FEV: variants seen among roughly 807,000 people sequenced by gnomAD.
FEV encodes FEV transcription factor, ETS family member, also known as protein FEV.
In FEV, 14 loss-of-function variants were observed where a neutral mutation model predicts 20.5. That is an observed-to-expected ratio of 0.68 (90% CI 0.45 to 1.07). FEV has a LOEUF of 1.07. Among genes scored for constraint, FEV ranks in the 50% least tolerant of loss-of-function variants. FEV has a pLI of 0.00. For synonymous variants in FEV, 188 were observed against 163.7 expected (o/e 1.15, Z -1.13); for missense variants, 301 against 345.3 (o/e 0.87, Z 1.02).
At chr2:218,983,052 C>T (rs1381386127) in intron 2 of FEV, among the ~76,000 whole-genome samples, 2 of 152,204 alleles carry the variant, frequency 1.3e-5, no homozygotes, top group South Asian at 4.1e-4. Context: ...TGCCATAGTT[C>T]TCGGGGCCTG....
chr2:218,982,648 G>A (rs1435006886), intron 2 of FEV, among the ~76,000 whole-genome samples: 1 of 152,222 alleles, frequency 6.6e-6, no homozygotes, highest in East Asian at 1.9e-4. Flanking sequence ...TCTCAGCCGG[G>A]CGCCCTTATT....
In FEV at chr2:218,981,847, G is replaced by C; in HGVS notation, c.537C>G (p.Asn179Lys). The stretch of plus-strand genomic sequence containing the variant: ...CGACCCCGGCCGAGGCGGCCATGAG[G>C]TTGAGTTTGGAGAGGCCGGGGAAGG... ...PLPFPGLSKL[N>K]LMAASAGVAP... The change falls in exon 3 of 3, where the codon AAC becomes AAG. Residue 179 changes from asparagine (N) to lysine (K), a missense_variant. Asn to Lys is a moderately conservative substitution (Grantham distance 94). Transcript: ENST00000295727. This position sits in a 1 kb window ranked among gnomAD's most constrained non-coding sequence, Gnocchi z 4.5. 3 of 1,237,294 alleles carry C rather than the reference G, an allele frequency of 2.4e-6. No individual in the cohort carries two copies. In the South Asian group the frequency reaches 1.2e-4, roughly 48 times the overall value. The allele number at this position is 1,237,294 out of a possible 1,614,324, so 76.6% of individuals were successfully genotyped here.
At position 218,981,648 on chromosome 2, in the gene FEV, A is replaced by G; in HGVS notation, c.*19T>C. On this transcript the variant is annotated 3_prime_UTR_variant, in exon 3 of 3. Coordinates refer to ENST00000295727, the MANE Select transcript of FEV (RefSeq NM_017521.3). The surrounding 1 kb of genome is among the most constrained non-coding windows in gnomAD (Gnocchi z 4.5). Reference sequence around the variant, plus strand: ...ACTCTAGGCGTGCGGGCGAGGCCGCAGGCACCCGACCGCCCCGTCTAGTGG... The same window carrying G: ...ACTCTAGGCGTGCGGGCGAGGCCGCGGGCACCCGACCGCCCCGTCTAGTGG... 2 of 1,284,250 alleles carry G rather than the reference A, an allele frequency of 1.6e-6. No homozygotes were observed. Among genetic ancestry groups the G allele is most frequent in the Non-Finnish European group, 9.8e-7 (1 of 1,017,974 alleles). The allele number at this position is 1,284,250 out of a possible 1,614,324, so 79.6% of individuals were successfully genotyped here.
Position 218,984,459 on chromosome 2 carries a change from TC to T in FEV, c.53-155del. The T allele has an allele frequency of 1.5e-6, 1 of 653,846 alleles. No homozygotes were observed. The highest frequency in any genetic ancestry group is 2.5e-6 in the Non-Finnish European group (1 of 393,476). 40.5% of individuals were successfully genotyped at this position (653,846 alleles called of 1,614,324 possible). A position where few individuals can be genotyped will look rare whatever the true frequency, so the allele number is the denominator to read the frequency against. The stretch of plus-strand genomic sequence containing the variant: ...CCCGGCTCCTCCTCCCGGAGCCTGG[TC>T]CAGGCGCGCTGCGCGGAGCCCCTCC... On this transcript the variant is annotated intron_variant, in intron 1 of 2. Coordinates refer to ENST00000295727, the MANE Select transcript of FEV (RefSeq NM_017521.3). The surrounding 1 kb of genome is among the most constrained non-coding windows in gnomAD (Gnocchi z 5.0).
intron 2 of FEV, 130 bp from the exon 3 acceptor site, chr2:218,982,386 A>C (rs1945399020): frequency 2.4e-6 from 2 of 834,204 alleles, no homozygotes; most frequent in African/African-American, 1.7e-5. Context: ...GTCAAACTGC[A>C]GCTGCGTTCG....
rs1269539534 is a variant in FEV at position 218,984,177 on chromosome 2, T to C, written c.127+54A>G. On this transcript the variant is annotated intron_variant, in intron 2 of 2. Transcript: ENST00000295727. This position sits in a 1 kb window ranked among gnomAD's most constrained non-coding sequence, Gnocchi z 5.0. ...ACTGCTCCCACCTACTGTCCGCCTG[T>C]GCCCTGACCCCAACCAACCTCGCCT... is the stretch of plus-strand genomic sequence containing the variant. 11 of 1,529,992 alleles carry C rather than the reference T, an allele frequency of 7.2e-6. No individual in the cohort carries two copies. In the Admixed American group the frequency reaches 2.2e-4, roughly 30 times the overall value. 94.8% of individuals were successfully genotyped at this position (1,529,992 alleles called of 1,614,324 possible).
rs200090030 is a variant in FEV at position 218,984,992 on chromosome 2, G to C, written c.52+32C>G. 76 of 1,544,836 alleles carry C rather than the reference G, an allele frequency of 4.9e-5. No individual in the cohort carries two copies. In the African/African-American group the frequency reaches 5.9e-4, roughly 12 times the overall value. On this transcript the variant is annotated intron_variant, in intron 1 of 2. Transcript: ENST00000295727. The surrounding 1 kb of genome is among the most constrained non-coding windows in gnomAD (Gnocchi z 5.0). ...GCCTAGACTTCCCGCCCCAGGTTCC[G>C]GTGCCACCAGCCTCCGGCTGGTCCC...
Position 218,981,705 on chromosome 2 carries a change from C to T in FEV, c.679G>A (p.Val227Met). The change falls in exon 3 of 3, where the codon GTG becomes ATG. Residue 227 changes from valine (V) to methionine (M), a missense_variant. Transcript: ENST00000295727. This position sits in a 1 kb window ranked among gnomAD's most constrained non-coding sequence, Gnocchi z 4.5. ...LQPPPGPFGA[V>M]AAASHLGGHY... ...CCCCCCAAGTGCGAGGCTGCGGCCA[C>T]GGCCCCGAAGGGCCCGGGCGGGGGC... 1 of 1,341,720 alleles carries T rather than the reference C, an allele frequency of 7.5e-7. No homozygotes were observed. The highest frequency in any genetic ancestry group is 9.5e-7 in the Non-Finnish European group (1 of 1,052,586). 83.1% of individuals were successfully genotyped at this position (1,341,720 alleles called of 1,614,324 possible).
In FEV at chr2:218,981,724, C is replaced by T; in HGVS notation, c.660G>A (p.Pro220=). The T allele has an allele frequency of 7.5e-7, 1 of 1,332,870 alleles. No individual in the cohort carries two copies. The highest frequency in any genetic ancestry group is 3.1e-5 in the East Asian group (1 of 32,682). 82.6% of individuals were successfully genotyped at this position (1,332,870 alleles called of 1,614,324 possible). A position where few individuals can be genotyped will look rare whatever the true frequency, so the allele number is the denominator to read the frequency against. Residue 220 remains proline (P), a synonymous_variant, in exon 3 of 3, where the codon CCG becomes CCA. Coordinates refer to ENST00000295727, the MANE Select transcript of FEV (RefSeq NM_017521.3). This position sits in a 1 kb window ranked among gnomAD's most constrained non-coding sequence, Gnocchi z 4.5. ...CGGCCACGGCCCCGAAGGGCCCGGG[C>T]GGGGGCTGCAAGCTGGGACTGGGGT... ...ALYPSPSLQP[P]PGPFGAVAAA...
chr2:218,981,933 C>A lies in FEV; in HGVS notation c.451G>T (p.Ala151Ser). The change falls in exon 3 of 3, where the codon GCC (alanine) becomes TCC (serine). Residue 151 changes from alanine (A) to serine (S), a missense_variant. Transcript: ENST00000295727. This position sits in a 1 kb window ranked among gnomAD's most constrained non-coding sequence, Gnocchi z 4.5. ...GCGCCGTCCTGGGCGGCCGCGGCGG[C>A]GGCAGCAGCTGCGGCGGCGGCATGA... ...HAHAAAAAAAAAAAAQDGALY... is the reference protein window; with the variant it reads ...HAHAAAAAAASAAAAQDGALY... 7.4e-7 allele frequency: 1 copy of A among 1,352,140 alleles called. No individual in the cohort carries two copies. Among genetic ancestry groups the A allele is most frequent in the Non-Finnish European group, 9.5e-7 (1 of 1,057,736 alleles). The allele number at this position is 1,352,140 out of a possible 1,614,324, so 83.8% of individuals were successfully genotyped here.
At position 218,984,109 on chromosome 2, in the gene FEV, A is replaced by G. The variant is rs527791915; in HGVS notation, c.127+122T>C. The G allele has an allele frequency of 5.8e-5, 55 of 953,808 alleles. No homozygotes were observed. In the East Asian group the frequency reaches 1.4e-3, roughly 25 times the overall value. 59.1% of individuals were successfully genotyped at this position (953,808 alleles called of 1,614,324 possible). On this transcript the variant is annotated intron_variant, in intron 2 of 2. Coordinates refer to ENST00000295727, the MANE Select transcript of FEV (RefSeq NM_017521.3). The surrounding 1 kb of genome is among the most constrained non-coding windows in gnomAD (Gnocchi z 5.0). ...ACTGTCTTCCCAAGGCCTCCGCACAACCAGGCCAGGACTCCGGGCTTCAGT... is the reference window on the plus strand; with the variant it reads ...ACTGTCTTCCCAAGGCCTCCGCACAGCCAGGCCAGGACTCCGGGCTTCAGT...
rs766193353 is a variant in FEV, at chr2:218,984,276, C to A, written c.82G>T (p.Gly28Trp). Residue 28 changes from glycine (G) to tryptophan (W), a missense_variant, in exon 2 of 3, where the codon GGG becomes TGG. Gly to Trp is a radical substitution (Grantham distance 184). Coordinates refer to ENST00000295727, the MANE Select transcript of FEV (RefSeq NM_017521.3). This position sits in a 1 kb window ranked among gnomAD's most constrained non-coding sequence, Gnocchi z 5.0. The stretch of plus-strand genomic sequence containing the variant: ...AGCGGCCCCCAGCTCGGGTTCTTCC[C>A]GTCCTTGAAGAGACCGTCTCCGACG... ...DPVGDGLFKD[G>W]KNPSWGPLSP... 49 of 1,602,344 alleles carry A rather than the reference C, an allele frequency of 3.1e-5. No individual in the cohort carries two copies. Among genetic ancestry groups the A allele is most frequent in the Middle Eastern group, 1.6e-4 (1 of 6,068 alleles).
chr2:218,981,659 C>T lies in FEV; in HGVS notation c.*8G>A. 7.7e-7 allele frequency: 1 copy of T among 1,302,078 alleles called. No homozygotes were observed. The highest frequency in any genetic ancestry group is 9.7e-7 in the Non-Finnish European group (1 of 1,030,518). 80.7% of individuals were successfully genotyped at this position (1,302,078 alleles called of 1,614,324 possible). On this transcript the variant is annotated 3_prime_UTR_variant, in exon 3 of 3. Transcript: ENST00000295727. The surrounding 1 kb of genome is among the most constrained non-coding windows in gnomAD (Gnocchi z 4.5). ...GCGGGCGAGGCCGCAGGCACCCGAC[C>T]GCCCCGTCTAGTGGTAATGGCCCCC...
intron 2 of FEV, among the ~76,000 whole-genome samples, chr2:218,982,645 C>T (rs1945401855): frequency 6.6e-6 from 1 of 152,238 alleles, no homozygotes; most frequent in Admixed American, 6.5e-5. Flanking sequence ...CCATCTCAGC[C>T]GGGCGCCCTT....
Position 218,985,174 on chromosome 2 carries a change from C to T in FEV, c.-99G>A. The T allele has an allele frequency of 1.1e-6, 1 of 910,884 alleles. No homozygotes were observed. The highest frequency in any genetic ancestry group is 1.6e-6 in the Non-Finnish European group (1 of 628,576). 56.4% of individuals were successfully genotyped at this position (910,884 alleles called of 1,614,324 possible). A position where few individuals can be genotyped will look rare whatever the true frequency, so the allele number is the denominator to read the frequency against. ...CACCGATCCCCGCCCGAAGCGACCG[C>T]GGGTGACAAGGAGGAGAAGACGGCG... On this transcript the variant is annotated 5_prime_UTR_variant, in exon 1 of 3. Coordinates refer to ENST00000295727, the MANE Select transcript of FEV (RefSeq NM_017521.3).
In FEV at chr2:218,984,623, G is replaced by A. The variant is rs1455952911; in HGVS notation, c.53-318C>T. 2.5e-6 allele frequency: 1 copy of A among 397,532 alleles called. No homozygotes were observed. The highest frequency in any genetic ancestry group is 4.5e-6 in the Non-Finnish European group (1 of 222,174). 24.6% of individuals were successfully genotyped at this position (397,532 alleles called of 1,614,324 possible). A position where few individuals can be genotyped will look rare whatever the true frequency, so the allele number is the denominator to read the frequency against. On this transcript the variant is annotated intron_variant, in intron 1 of 2. Coordinates refer to ENST00000295727, the MANE Select transcript of FEV (RefSeq NM_017521.3). This position sits in a 1 kb window ranked among gnomAD's most constrained non-coding sequence, Gnocchi z 5.0. The stretch of plus-strand genomic sequence containing the variant: ...GAAGAGAAGAGGAGGGTGCCTGGAG[G>A]GCCGGCCTGAAGCTCGTAGCAGGAA...
At chr2:218,982,413 C>T (rs533060798) in intron 2 of FEV, among the ~76,000 whole-genome samples, 157 bp from the exon 3 acceptor site, 3 of 152,314 alleles carry the variant, frequency 2.0e-5, no homozygotes, top group African/African-American at 7.2e-5. Context: ...GAGGCCGGCC[C>T]CGGAGGGGCT....
In FEV at chr2:218,981,120, T is replaced by C; in HGVS notation, c.*547A>G. On this transcript the variant is annotated 3_prime_UTR_variant, in exon 3 of 3. Transcript: ENST00000295727. The surrounding 1 kb of genome is among the most constrained non-coding windows in gnomAD (Gnocchi z 4.5). ...AGGAGCTTTAATGGGGCTGAAAGGG[T>C]CAGAAACACACCGGGAGTTTCTCCT... The C allele has an allele frequency of 4.6e-6, 1 of 215,746 alleles. No individual in the cohort carries two copies. The highest frequency in any genetic ancestry group is 9.3e-6 in the Non-Finnish European group (1 of 107,012). The allele number at this position is 215,746 out of a possible 1,614,324, so 13.4% of individuals were successfully genotyped here. A position where few individuals can be genotyped will look rare whatever the true frequency, so the allele number is the denominator to read the frequency against.
Position 218,984,986 on chromosome 2 carries a change from G to C in FEV, c.52+38C>G, listed in dbSNP as rs773589650. On this transcript the variant is annotated intron_variant, in intron 1 of 2. Coordinates refer to ENST00000295727, the MANE Select transcript of FEV (RefSeq NM_017521.3). This position sits in a 1 kb window ranked among gnomAD's most constrained non-coding sequence, Gnocchi z 5.0. Reference sequence around the variant, plus strand: ...GCCTGAGCCTAGACTTCCCGCCCCAGGTTCCGGTGCCACCAGCCTCCGGCT... The same window carrying C: ...GCCTGAGCCTAGACTTCCCGCCCCACGTTCCGGTGCCACCAGCCTCCGGCT... The C allele has an allele frequency of 1.6e-5, 25 of 1,540,648 alleles. No homozygotes were observed. Among genetic ancestry groups the C allele is most frequent in the Non-Finnish European group, 2.2e-5 (25 of 1,137,744 alleles).
Sources: allele counts gnomAD v4.1 joint callset (sites outside exome capture counted in the v4.1 genomes callset), GRCh38; gene constraint gnomAD v4.1.1; non-coding constraint Gnocchi (gnomAD v3.1); transcripts MANE v1.5; gene names NCBI Gene and HGNC (gene_info 2026-07-23, HGNC 2026-07-21).